Variants in NRG1 observed in about 807,000 individuals in gnomAD.
NRG1 encodes pro-neuregulin-1, membrane-bound isoform.
Under a neutral mutation model 63.8 loss-of-function variants are expected in NRG1, and 18 were observed. That is an observed-to-expected ratio of 0.28 (90% confidence interval 0.19 to 0.42). The LOEUF is 0.42. NRG1 is among the 10% of genes least tolerant of loss of function. The pLI, the probability that NRG1 is intolerant of heterozygous loss-of-function variation, is 1.00. For synonymous variants in NRG1, 302 were observed against 301.3 expected, an observed-to-expected ratio of 1.00 and a Z score of -0.02; for missense variants, 762 against 814.7, an observed-to-expected ratio of 0.94 and a Z score of 0.79.
intron 1 of NRG1, among the ~76,000 whole-genome samples, chr8:31,779,860 A>G (rs1458495349): frequency 6.6e-6 from 1 of 152,260 alleles, no homozygotes; most frequent in Non-Finnish European, 1.5e-5. Context: ...GCTTAAGGTT[A>G]TACCAAACAG....
At chr8:32,408,225 A>G (rs1393387727) in intron 1 of NRG1, among the ~76,000 whole-genome samples, 1 of 152,224 alleles carries the variant, frequency 6.6e-6, no homozygotes, top group Non-Finnish European at 1.5e-5. Flanking sequence ...AAAATGAATC[A>G]TTCTCAGGGT....
chr8:31,961,497 T>G (rs1196791458), intron 1 of NRG1, among the ~76,000 whole-genome samples: 3 of 152,192 alleles, frequency 2.0e-5, no homozygotes, highest in African/African-American at 2.4e-5. Context: ...CCTGAAATAC[T>G]TGTTAGAATT....
chr8:32,146,714 G>A (rs1168816859), intron 1 of NRG1, among the ~76,000 whole-genome samples: 1 of 151,862 alleles, frequency 6.6e-6, no homozygotes, highest in East Asian at 1.9e-4. Context: ...TAATTTGCTG[G>A]AAATAATATT....
chr8:32,299,557 G>A (rs1014836193), intron 1 of NRG1, among the ~76,000 whole-genome samples: 3 of 151,940 alleles, frequency 2.0e-5, no homozygotes, highest in Admixed American at 6.6e-5. Context: ...TAATAATTTC[G>A]CTCCCTGTGT....
chr8:31,910,835 T>C (rs545485423), intron 1 of NRG1, among the ~76,000 whole-genome samples: 1 of 152,226 alleles, frequency 6.6e-6, no homozygotes, highest in East Asian at 1.9e-4. Context: ...AGCAAGAGTG[T>C]GGAGTTGTCA....
intron 1 of NRG1, among the ~76,000 whole-genome samples, chr8:31,786,395 T>C (rs781328005): frequency 4.6e-4 from 70 of 152,252 alleles, no homozygotes; most frequent in Admixed American, 4.6e-4. Flanking sequence ...TGTGTGGGGA[T>C]TTCTCACTAC....
At chr8:32,613,055 A>T (rs9642729) in intron 3 of NRG1, among the ~76,000 whole-genome samples, 21,085 of 151,964 alleles carry the variant, frequency 0.14, 3,372 homozygotes, top group East Asian at 0.51. Context: ...TCATATTACC[A>T]ATTCGGAATA....
intron 1 of NRG1, among the ~76,000 whole-genome samples, chr8:31,876,317 C>T (rs996049612): frequency 2.6e-5 from 4 of 152,146 alleles, no homozygotes; most frequent in Non-Finnish European, 5.9e-5. Context: ...GCAATAATAG[C>T]AATTACCTAA....
intron 5 of NRG1, among the ~76,000 whole-genome samples, chr8:32,712,659 TA>T (rs1460732714): frequency 1.1e-4 from 16 of 152,176 alleles, no homozygotes; most frequent in Admixed American, 1.0e-3. Context: ...TCATAGAGTT[TA>T]GCTAAGCACT....
At chr8:32,493,085 A>G (rs1826790958) in intron 1 of NRG1, among the ~76,000 whole-genome samples, 2 of 152,160 alleles carry the variant, frequency 1.3e-5, no homozygotes, top group Non-Finnish European at 2.9e-5. Context: ...TTCCAATGGC[A>G]ACTTTACCGT....
chr8:32,322,982 C>G (rs1293142362), intron 1 of NRG1, among the ~76,000 whole-genome samples: 1 of 151,862 alleles, frequency 6.6e-6, no homozygotes, highest in Non-Finnish European at 1.5e-5. Flanking sequence ...AACTAGAAAT[C>G]TGAGAAAGAG....
At chr8:32,362,404 G>A (rs1240418432) in intron 1 of NRG1, among the ~76,000 whole-genome samples, 1 of 152,200 alleles carries the variant, frequency 6.6e-6, no homozygotes, top group Non-Finnish European at 1.5e-5. Flanking sequence ...AATATGCGAT[G>A]TTGTGGAGAA....
chr8:32,061,651 T>G (rs974428933), intron 1 of NRG1: 2 of 152,034 alleles, frequency 1.3e-5, no homozygotes, highest in Non-Finnish European at 2.9e-5. Context: ...CCTATGCTGT[T>G]TCCTAATGTA....
intron 1 of NRG1, among the ~76,000 whole-genome samples, chr8:32,379,196 A>G (rs1041340825): frequency 6.6e-6 from 1 of 152,114 alleles, no homozygotes; most frequent in Non-Finnish European, 1.5e-5. Context: ...TTTTTTTCTG[A>G]AGAGCAAAAG....
chr8:32,298,716 AAAAAAAAAAAAAAAG>A (rs1336671072), intron 1 of NRG1, among the ~76,000 whole-genome samples: 1 of 129,918 alleles, frequency 7.7e-6, no homozygotes, highest in African/African-American at 3.0e-5. Flanking sequence ...CTCAGTCTCA[AAAAAAAAAAAAAAAG>A]AAAAGAAAAG....
At chr8:31,849,645 G>T (rs1483888472) in intron 1 of NRG1, among the ~76,000 whole-genome samples, 2 of 152,118 alleles carry the variant, frequency 1.3e-5, no homozygotes, top group Non-Finnish European at 2.9e-5. Flanking sequence ...TCCTTGAAAG[G>T]GTCTTCTGCT....
At chr8:32,129,887 A>T (rs937090623) in intron 1 of NRG1, among the ~76,000 whole-genome samples, 2 of 151,990 alleles carry the variant, frequency 1.3e-5, no homozygotes, top group Non-Finnish European at 2.9e-5. Flanking sequence ...TCGTTTGTCT[A>T]AAGCACTTTA....
chr8:32,665,910 T>C (rs1038647746), intron 5 of NRG1, among the ~76,000 whole-genome samples: 8 of 152,138 alleles, frequency 5.3e-5, no homozygotes, highest in African/African-American at 9.7e-5. Context: ...AGAAAAAAAT[T>C]AGTAGGCTAT....
chr8:31,723,151 A>G lies in NRG1; in HGVS notation c.37+83720A>G, dbSNP rs141363892. Among the ~76,000 whole-genome samples the G allele has an allele frequency of 3.8e-3, 586 of 152,278 alleles. 1 individual carries two copies. Among genetic ancestry groups the G allele is most frequent in the South Asian group, 0.019 (91 of 4,828 alleles). Reference sequence around the variant, plus strand: ...ATAAAGATGGTATTTTGTATTTTAAACTATTGAGTATGATTTCTTGCTGGG... The same window carrying G: ...ATAAAGATGGTATTTTGTATTTTAAGCTATTGAGTATGATTTCTTGCTGGG... On this transcript the variant is annotated intron_variant, in intron 1 of 10. Coordinates refer to the NRG1 transcript ENST00000519301.
Sources: gnomAD v4.1 joint callset for allele counts (sites outside exome capture counted in the v4.1 genomes callset) on GRCh38, gnomAD v4.1.1 for gene constraint, MANE v1.5 for transcripts, NCBI Gene and HGNC (gene_info 2026-07-23, HGNC 2026-07-21) for gene names.